FAM171A1: variants seen among roughly 807,000 people sequenced by gnomAD.
The protein encoded by FAM171A1 is family with sequence similarity 171 member A1.
Under a neutral mutation model 74.9 loss-of-function variants are expected in FAM171A1, and 23 were observed. The observed-to-expected ratio is 0.31, with a 90% confidence interval of 0.22 to 0.44. The LOEUF (loss-of-function observed/expected upper bound fraction) is 0.44, where lower values mean the gene tolerates loss of function less well. FAM171A1 is among the 20% of genes least tolerant of loss of function. The pLI, the probability that FAM171A1 is intolerant of heterozygous loss-of-function variation, is 1.00. For missense variants in FAM171A1, 1,162 were observed against 1,159.2 expected, an observed-to-expected ratio of 1.00 and a Z score of -0.03; for synonymous variants, 527 against 505.7, an observed-to-expected ratio of 1.04 and a Z score of -0.57.
intron 1 of FAM171A1, among the ~76,000 whole-genome samples, chr10:15,317,114 C>G (rs943297550): frequency 6.6e-6 from 1 of 151,362 alleles, no homozygotes; most frequent in African/African-American, 2.4e-5. Flanking sequence ...TTCCCAGTCA[C>G]GGAAACAGGA....
intron 1 of FAM171A1, among the ~76,000 whole-genome samples, chr10:15,350,563 G>T (rs966639173): frequency 6.6e-6 from 1 of 151,102 alleles, no homozygotes; most frequent in Non-Finnish European, 1.5e-5. Context: ...GGATGGTCTC[G>T]ATCTCTTGAC....
Position 15,220,978 on chromosome 10 carries a change from C to A in FAM171A1, c.837G>T (p.Gly279=), listed in dbSNP as rs1834030303. ...LTWTYIAPQL[G]YWVAAMSPPI... is the part of the protein sequence containing the mutation. ...GAGGGGACATGGCGGCCACCCAGTA[C>A]CCCAACTGGGGGGCAATGTATGTCC... is the stretch of plus-strand genomic sequence containing the variant. The change falls in exon 6 of 8, where the codon GGG becomes GGT. Residue 279 remains glycine, a synonymous_variant. Coordinates refer to ENST00000378116, the MANE Select transcript of FAM171A1 (RefSeq NM_001010924.2). 1 of 1,614,022 alleles carries A rather than the reference C, an allele frequency of 6.2e-7. No homozygotes were observed. The highest frequency in any genetic ancestry group is 8.5e-7 in the Non-Finnish European group (1 of 1,179,964).
intron 2 of FAM171A1, among the ~76,000 whole-genome samples, chr10:15,276,728 AGGCTGGAGTGCAGT>A (rs1247107742): frequency 6.6e-6 from 1 of 152,186 alleles, no homozygotes; most frequent in Admixed American, 6.5e-5. Flanking sequence ...TCTGTCACTC[AGGCTGGAGTGCAGT>A]GGCACGGTTA....
intron 5 of FAM171A1, among the ~76,000 whole-genome samples, chr10:15,223,269 C>T (rs1394682200): frequency 1.3e-5 from 2 of 152,220 alleles, no homozygotes; most frequent in African/African-American, 2.4e-5. Flanking sequence ...CTCCTACTCC[C>T]GCTCCAGGCT....
intron 5 of FAM171A1, among the ~76,000 whole-genome samples, chr10:15,230,072 T>C (rs1206033540): frequency 2.0e-5 from 3 of 152,258 alleles, no homozygotes; most frequent in East Asian, 1.9e-4. Flanking sequence ...ACTGTATATA[T>C]AGAATTATCA....
intron 5 of FAM171A1, among the ~76,000 whole-genome samples, chr10:15,247,567 A>C (rs984563645): frequency 3.3e-5 from 5 of 152,180 alleles, no homozygotes; most frequent in Admixed American, 6.5e-5. Context: ...GTGCTGGTCT[A>C]TACCAGTGTG....
At chr10:15,326,522 T>G (rs1442616529) in intron 1 of FAM171A1, among the ~76,000 whole-genome samples, 1 of 151,664 alleles carries the variant, frequency 6.6e-6, no homozygotes, top group Non-Finnish European at 1.5e-5. Context: ...GCCATGTTGG[T>G]CAGGCGGTCT....
At chr10:15,367,293 C>G (rs1836076305) in intron 1 of FAM171A1, among the ~76,000 whole-genome samples, 1 of 152,168 alleles carries the variant, frequency 6.6e-6, no homozygotes, top group South Asian at 2.1e-4. Flanking sequence ...CACTATTTTC[C>G]TTCTTTTGGT....
intron 2 of FAM171A1, among the ~76,000 whole-genome samples, chr10:15,280,825 T>C (rs1040606102): frequency 2.0e-5 from 3 of 152,238 alleles, no homozygotes; most frequent in South Asian, 4.1e-4. Flanking sequence ...TCCAAAAATA[T>C]GCACAAAAGC....
In FAM171A1 at chr10:15,331,841, GTGTGTATATATA is replaced by G. The variant is rs1433802355; in HGVS notation, c.97+39103_97+39114del. 4.6e-3 allele frequency among the ~76,000 whole-genome samples: 345 copies of G among 75,416 alleles called. 10 individuals carry two copies. The highest frequency in any genetic ancestry group is 0.029 in the East Asian group (44 of 1,506). The allele number at this position is 75,416 out of a possible 152,430, so 49.5% of individuals were successfully genotyped here. On this transcript the variant is annotated intron_variant, in intron 1 of 7. Transcript: ENST00000378116. ...GGTATATATATGTGTGTATATATAT[GTGTGTATATATA>G]TGTGTGTATATATATGTGTGTGTAT...
In FAM171A1 at chr10:15,212,774, G is replaced by T; in HGVS notation, c.*141C>A. Reference sequence around the variant, plus strand: ...TTTAATTCCTTTCTAACATTTACACGGCAAACAGGAATGCAGTAAACGTCC... The same window carrying T: ...TTTAATTCCTTTCTAACATTTACACTGCAAACAGGAATGCAGTAAACGTCC... On this transcript the variant is annotated 3_prime_UTR_variant, in exon 8 of 8. Transcript: ENST00000378116. 9.1e-7 allele frequency: 1 copy of T among 1,093,640 alleles called. No individual in the cohort carries two copies. The highest frequency in any genetic ancestry group is 1.3e-6 in the Non-Finnish European group (1 of 762,380). The allele number at this position is 1,093,640 out of a possible 1,614,324, so 67.7% of individuals were successfully genotyped here. A position where few individuals can be genotyped will look rare whatever the true frequency, so the allele number is the denominator to read the frequency against.
chr10:15,310,029 G>A (rs1407363848), intron 1 of FAM171A1, among the ~76,000 whole-genome samples: 1 of 152,140 alleles, frequency 6.6e-6, no homozygotes, highest in Admixed American at 6.6e-5. Flanking sequence ...GGACGCACTA[G>A]CCTAAAACTA....
chr10:15,271,690 G>C (rs991035794), intron 3 of FAM171A1, among the ~76,000 whole-genome samples: 4 of 152,208 alleles, frequency 2.6e-5, no homozygotes, highest in Admixed American at 1.3e-4. Context: ...TCTCTCGGCA[G>C]AAACTTTACA....
chr10:15,216,584 C>T lies in FAM171A1; in HGVS notation c.872-474G>A, dbSNP rs575508542. On this transcript the variant is annotated intron_variant, in intron 6 of 7. Coordinates refer to ENST00000378116, the MANE Select transcript of FAM171A1 (RefSeq NM_001010924.2). ...TAGCTGGGACTACAGGCACGCACCA[C>T]CACACCTGGCTAATTTTTATAAATT... 1.1e-4 allele frequency among the ~76,000 whole-genome samples: 17 copies of T among 152,260 alleles called. No individual in the cohort carries two copies. In the South Asian group the frequency reaches 3.3e-3, roughly 30 times the overall value.
chr10:15,232,356 G>A (rs1203696462), intron 5 of FAM171A1, among the ~76,000 whole-genome samples: 3 of 152,016 alleles, frequency 2.0e-5, no homozygotes, highest in South Asian at 4.2e-4. Context: ...TTGTTTCTCC[G>A]CCATCTGAAA....
At chr10:15,279,867 G>C (rs966876735) in intron 2 of FAM171A1, among the ~76,000 whole-genome samples, 1 of 152,054 alleles carries the variant, frequency 6.6e-6, no homozygotes, top group Non-Finnish European at 1.5e-5. Context: ...GCAGTGAACC[G>C]AGATTGCACC....
intron 1 of FAM171A1, among the ~76,000 whole-genome samples, chr10:15,307,023 C>T (rs546145738): frequency 1.3e-5 from 2 of 152,244 alleles, no homozygotes; most frequent in South Asian, 4.2e-4. Flanking sequence ...TTCACAGGTG[C>T]GGATATCCAC....
chr10:15,361,234 T>C (rs1835989709), intron 1 of FAM171A1, among the ~76,000 whole-genome samples: 1 of 152,226 alleles, frequency 6.6e-6, no homozygotes, highest in African/African-American at 2.4e-5. Flanking sequence ...TCCCTTAGAA[T>C]ACACTTCTTA....
Position 15,299,652 on chromosome 10 carries a change from A to G in FAM171A1, c.98-15547T>C, listed in dbSNP as rs995835022. ...TAGAAAGTGCTACGTGGGAGCCAGT[A>G]GTGAAGAAACTGACTCATTAATTAT... On this transcript the variant is annotated intron_variant, in intron 1 of 7. Coordinates refer to ENST00000378116, the MANE Select transcript of FAM171A1 (RefSeq NM_001010924.2). Among the ~76,000 whole-genome samples, 25 of 151,998 alleles carry G rather than the reference A, an allele frequency of 1.6e-4. 1 individual carries two copies. The highest frequency in any genetic ancestry group is 1.5e-3 in the Admixed American group (23 of 15,228).
Sources: allele counts gnomAD v4.1 joint callset (sites outside exome capture counted in the v4.1 genomes callset), GRCh38; gene constraint gnomAD v4.1.1; transcripts MANE v1.5; gene names NCBI Gene and HGNC (gene_info 2026-07-23, HGNC 2026-07-21).